THSD4: variants seen among roughly 807,000 people sequenced by gnomAD.
THSD4 encodes the protein thrombospondin type-1 domain-containing protein 4.
Under a neutral mutation model 119.0 loss-of-function variants are expected in THSD4, and 69 were observed. The observed-to-expected ratio is 0.58, with a 90% confidence interval of 0.48 to 0.71. The LOEUF is 0.71. THSD4 is among the 30% of genes least tolerant of loss of function. The pLI is 0.00. For missense variants in THSD4, 1,393 were observed against 1,391.1 expected (o/e 1.00, Z -0.02); for synonymous variants, 524 against 540.4 (o/e 0.97, Z 0.42).
chr15:71,591,055 A>G (rs1020144657), intron 7 of THSD4, among the ~76,000 whole-genome samples: 44 of 150,848 alleles, frequency 2.9e-4, no homozygotes, highest in Non-Finnish European at 5.9e-5. Flanking sequence ...AAAAAAAAGA[A>G]TAGTCCGTTC....
intron 6 of THSD4, among the ~76,000 whole-genome samples, chr15:71,267,715 C>T (rs886391520): frequency 6.6e-6 from 1 of 152,108 alleles, no homozygotes; most frequent in Non-Finnish European, 1.5e-5. Flanking sequence ...TCAGGAGACC[C>T]ATCTCATGTG....
intron 6 of THSD4, among the ~76,000 whole-genome samples, chr15:71,368,354 T>C (rs1002703398): frequency 6.6e-6 from 1 of 152,246 alleles, no homozygotes; most frequent in Non-Finnish European, 1.5e-5. Context: ...CATGAAGTCC[T>C]TGCCCATGCC....
At chr15:71,098,817 A>G (rs1340779416) in intron 1 of THSD4, among the ~76,000 whole-genome samples, 2 of 152,214 alleles carry the variant, frequency 1.3e-5, no homozygotes, top group African/African-American at 2.4e-5. Flanking sequence ...TTAATAGTCA[A>G]ACTGAAGTAG....
chr15:71,489,104 G>A (rs1356005755), intron 7 of THSD4, among the ~76,000 whole-genome samples: 2 of 152,098 alleles, frequency 1.3e-5, no homozygotes, highest in African/African-American at 4.8e-5. Context: ...AAGCTCATAG[G>A]AACAATATTC....
chr15:71,297,760 G>A (rs565421339), intron 6 of THSD4, among the ~76,000 whole-genome samples: 3 of 152,200 alleles, frequency 2.0e-5, no homozygotes, highest in Non-Finnish European at 2.9e-5. Flanking sequence ...AGCTGCACAC[G>A]ACTGCACCCT....
intron 3 of THSD4, among the ~76,000 whole-genome samples, chr15:71,159,919 C>T (rs1425571232): frequency 6.6e-6 from 1 of 151,960 alleles, no homozygotes; most frequent in East Asian, 1.9e-4. Flanking sequence ...TTATACTATT[C>T]TGTATACATT....
At chr15:71,654,628 T>C (rs2051153995) in intron 7 of THSD4, among the ~76,000 whole-genome samples, 1 of 152,214 alleles carries the variant, frequency 6.6e-6, no homozygotes, top group African/African-American at 2.4e-5. Flanking sequence ...ATTTATCATA[T>C]ACAAAGGATT....
chr15:71,172,714 T>TATATATATATATATATATATGTGAC (rs2043390863), intron 3 of THSD4, among the ~76,000 whole-genome samples: 1 of 116,768 alleles, frequency 8.6e-6, no homozygotes, highest in Non-Finnish European at 1.7e-5. Context: ...TATATATATA[T>TATATATATATATATATATATGTGAC]ATATATATAT....
At position 71,370,444 on chromosome 15, in the gene THSD4, C is replaced by G. The variant is rs566121389; in HGVS notation, c.1016-41243C>G. 7.6e-4 allele frequency among the ~76,000 whole-genome samples: 115 copies of G among 152,302 alleles called. 1 individual carries two copies. Among genetic ancestry groups the G allele is most frequent in the African/African-American group, 2.7e-3 (111 of 41,562 alleles). ...AGTGCTATAAATTTCCCTCTACATACTGCTTTAAATGTGTCCCAGAGATTT... is the reference window on the plus strand; with the variant it reads ...AGTGCTATAAATTTCCCTCTACATAGTGCTTTAAATGTGTCCCAGAGATTT... On this transcript the variant is annotated intron_variant, in intron 6 of 17. Transcript: ENST00000261862.
At chr15:71,611,507 T>C (rs980720282) in intron 7 of THSD4, among the ~76,000 whole-genome samples, 3 of 152,240 alleles carry the variant, frequency 2.0e-5, no homozygotes, top group African/African-American at 7.2e-5. Flanking sequence ...AGTGCTTCTC[T>C]CTTTTCAGTG....
chr15:71,660,480 G>A, intron 7 of THSD4, 50 bp from the exon 8 acceptor site: 3 of 1,606,682 alleles, frequency 1.9e-6, no homozygotes, highest in Middle Eastern at 1.7e-4. Context: ...TCCTTCCTCT[G>A]CATGCTCCTG....
Position 71,483,953 on chromosome 15 carries a change from C to G in THSD4, c.1152+72130C>G, listed in dbSNP as rs996484961. 2.0e-4 allele frequency among the ~76,000 whole-genome samples: 30 copies of G among 152,278 alleles called. No homozygotes were observed. In the Middle Eastern group the frequency reaches 0.01, roughly 52 times the overall value. On this transcript the variant is annotated intron_variant, in intron 7 of 17. Transcript: ENST00000261862. ...CGTTCCTTTTTATGTAGCCTTGATT[C>G]TTCCTCTAGGGAAGGGAGACACCAT...
intron 7 of THSD4, among the ~76,000 whole-genome samples, chr15:71,635,139 T>C (rs1048420247): frequency 6.6e-6 from 1 of 152,218 alleles, no homozygotes; most frequent in African/African-American, 2.4e-5. Context: ...TTTGAAGCTC[T>C]CACAGCTGTC....
intron 3 of THSD4, among the ~76,000 whole-genome samples, chr15:71,182,045 AC>A (rs2043535058): frequency 6.6e-6 from 1 of 152,232 alleles, no homozygotes; most frequent in African/African-American, 2.4e-5. Flanking sequence ...AACTGGGGCT[AC>A]CAGCCCCATT....
chr15:71,551,016 TCTA>T (rs1417087530), intron 7 of THSD4, among the ~76,000 whole-genome samples: 3 of 152,210 alleles, frequency 2.0e-5, no homozygotes, highest in Non-Finnish European at 4.4e-5. Flanking sequence ...ATCATATAGG[TCTA>T]CTCTGAGTGT....
In THSD4 at chr15:71,332,891, C is replaced by CTTTTTTTTTTT. The variant is rs1184457820; in HGVS notation, c.1015+76176_1015+76177insTTTTTTTTTTT. 1.2e-3 allele frequency among the ~76,000 whole-genome samples: 44 copies of CTTTTTTTTTTT among 38,036 alleles called. 4 individuals carry two copies. The highest frequency in any genetic ancestry group is 2.0e-3 in the African/African-American group (27 of 13,578). 25.0% of individuals were successfully genotyped at this position (38,036 alleles called of 152,430 possible). On this transcript the variant is annotated intron_variant, in intron 6 of 17. Transcript: ENST00000261862. ...TTCTTAAAACATTGAGATTTTTTTACATTTTTTTTTTTTTTTTAGTTCATC... is the reference window on the plus strand; with the variant it reads ...TTCTTAAAACATTGAGATTTTTTTACTTTTTTTTTTTATTTTTTTTTTTTTTTTAGTTCATC...
chr15:71,571,327 G>A (rs1004511861), intron 7 of THSD4, among the ~76,000 whole-genome samples: 8 of 151,882 alleles, frequency 5.3e-5, no homozygotes, highest in Admixed American at 2.0e-4. Context: ...GTAGAATGCC[G>A]CATGCTCGTT....
intron 7 of THSD4, among the ~76,000 whole-genome samples, chr15:71,638,608 T>G (rs570877752): frequency 6.6e-6 from 1 of 152,346 alleles, no homozygotes; most frequent in South Asian, 2.1e-4. Context: ...CTCAGTACTT[T>G]TGAATGAAGA....
chr15:71,275,150 C>A (rs2044575686), intron 6 of THSD4, among the ~76,000 whole-genome samples: 2 of 152,034 alleles, frequency 1.3e-5, no homozygotes, highest in Admixed American at 1.3e-4. Flanking sequence ...GGTCACAGAA[C>A]AACAGAGAAG....
Sources: allele counts gnomAD v4.1 joint callset (sites outside exome capture counted in the v4.1 genomes callset), GRCh38; gene constraint gnomAD v4.1.1; transcripts MANE v1.5; gene names NCBI Gene and HGNC (gene_info 2026-07-23, HGNC 2026-07-21).